RNF150: variants seen among roughly 807,000 people sequenced by gnomAD.
The protein encoded by RNF150 is ring finger protein 150.
A neutral mutation model predicts 39.3 loss-of-function variants in RNF150; 24 were observed. The ratio of observed to expected loss-of-function variants is 0.61; its 90% CI spans 0.44 to 0.86. The LOEUF (loss-of-function observed/expected upper bound fraction) is 0.86. Ranked by LOEUF, RNF150 falls within the 40% of genes least tolerant of loss-of-function variation. RNF150 has a pLI of 0.00. For missense variants in RNF150, 502 were observed against 587.8 expected, an observed-to-expected ratio of 0.85 and a Z score of 1.51; for synonymous variants, 255 against 227.3, an observed-to-expected ratio of 1.12 and a Z score of -1.10.
chr4:141,172,154 A>G (rs1160029649), intron 1 of RNF150, among the ~76,000 whole-genome samples: 1 of 152,110 alleles, frequency 6.6e-6, no homozygotes, highest in Non-Finnish European at 1.5e-5. Context: ...TCTCTGCTTT[A>G]GACTGTGGGG....
At chr4:141,000,087 G>A (rs33915904) in intron 1 of RNF150, among the ~76,000 whole-genome samples, 4,055 of 35,544 alleles carry the variant, frequency 0.11, 1,036 homozygotes, top group Non-Finnish European at 0.13. Flanking sequence ...GAAGAAGAAG[G>A]AGAAGAAGAA....
chr4:140,979,706 T>C (rs1733790352), intron 1 of RNF150, among the ~76,000 whole-genome samples: 3 of 151,928 alleles, frequency 2.0e-5, no homozygotes, highest in African/African-American at 7.3e-5. Flanking sequence ...TGAGAGCACC[T>C]GGATATTGTA....
At chr4:140,911,481 T>C in intron 5 of RNF150, 127 bp from the exon 6 acceptor site, 1 of 718,584 alleles carries the variant, frequency 1.4e-6, no homozygotes, top group Non-Finnish European at 2.2e-6. Flanking sequence ...TGAGCCACTT[T>C]ATTTAAAAAC....
At chr4:140,905,683 G>A (rs1368138072) in intron 6 of RNF150, among the ~76,000 whole-genome samples, 1 of 142,754 alleles carries the variant, frequency 7.0e-6, no homozygotes, top group African/African-American at 2.5e-5. Context: ...TTGCTGCAGG[G>A]GAATCCCCAA....
intron 1 of RNF150, among the ~76,000 whole-genome samples, chr4:141,185,990 TC>T (rs1728001032): frequency 6.6e-6 from 1 of 152,218 alleles, no homozygotes; most frequent in Non-Finnish European, 1.5e-5. Context: ...GACTGAAATT[TC>T]CTTTTTCTGT....
intron 1 of RNF150, among the ~76,000 whole-genome samples, chr4:141,153,158 A>C (rs1344397996): frequency 6.6e-6 from 1 of 152,104 alleles, no homozygotes; most frequent in Non-Finnish European, 1.5e-5. Flanking sequence ...ATGTCAGAGC[A>C]CTTTCTAGAG....
intron 1 of RNF150, among the ~76,000 whole-genome samples, chr4:141,194,190 T>C (rs557907143): frequency 9.2e-5 from 14 of 152,330 alleles, no homozygotes; most frequent in Middle Eastern, 3.4e-3. Flanking sequence ...TGTCTTTCTG[T>C]AGGGATTTCT....
chr4:140,970,264 T>C (rs182351691), intron 1 of RNF150, among the ~76,000 whole-genome samples: 1 of 152,314 alleles, frequency 6.6e-6, no homozygotes, highest in East Asian at 1.9e-4. Context: ...ATTTATTGAA[T>C]TCTTACAATG....
rs975027239 is a variant in RNF150 at position 140,864,688 on chromosome 4, A to G, written c.*3573T>C. On this transcript the variant is annotated 3_prime_UTR_variant, in exon 7 of 7. Coordinates refer to ENST00000515673, the MANE Select transcript of RNF150 (RefSeq NM_020724.2). ...ATGAACAAGAAGAAGGGGTTGAGGT[A>G]AAGTTGGGTGATTTCAGTCTGGAGT... 9.2e-5 allele frequency: 14 copies of G among 152,330 alleles called. No individual in the cohort carries two copies. Among genetic ancestry groups the G allele is most frequent in the South Asian group, 4.1e-4 (2 of 4,826 alleles). The allele number at this position is 152,330 out of a possible 1,614,324, so 9.4% of individuals were successfully genotyped here.
In RNF150 at chr4:140,965,967, T is replaced by A. The variant is rs537368897; in HGVS notation, c.735+1656A>T. Among the ~76,000 whole-genome samples, 3 of 152,122 alleles carry A rather than the reference T, an allele frequency of 2.0e-5. No individual in the cohort carries two copies. In the East Asian group the frequency reaches 5.8e-4, roughly 29 times the overall value. On this transcript the variant is annotated intron_variant, in intron 2 of 6. Transcript: ENST00000515673. ...TCAATTTGCTTTACTATATTAACCATTTTACTGTCTGTATGACTCCCCAAA... is the reference window on the plus strand; with the variant it reads ...TCAATTTGCTTTACTATATTAACCAATTTACTGTCTGTATGACTCCCCAAA...
intron 1 of RNF150, among the ~76,000 whole-genome samples, chr4:141,158,534 T>C (rs1030924342): frequency 1.8e-4 from 28 of 152,118 alleles, no homozygotes; most frequent in Non-Finnish European, 3.8e-4. Context: ...ATATAACATT[T>C]ACTGATTTCC....
intron 1 of RNF150, among the ~76,000 whole-genome samples, chr4:141,147,291 G>T (rs1180599465): frequency 6.6e-6 from 1 of 152,178 alleles, no homozygotes; most frequent in Non-Finnish European, 1.5e-5. Flanking sequence ...TTCCTGCTTG[G>T]CAGGTGGCCT....
At chr4:140,879,447 T>TA (rs565485946) in intron 6 of RNF150, among the ~76,000 whole-genome samples, 84 of 152,372 alleles carry the variant, frequency 5.5e-4, no homozygotes, top group African/African-American at 1.9e-3. Flanking sequence ...TTCACCTTGT[T>TA]CATTAAGTTT....
intron 1 of RNF150, among the ~76,000 whole-genome samples, chr4:141,096,148 C>T (rs1210323228): frequency 6.9e-6 from 1 of 143,950 alleles, no homozygotes; most frequent in African/African-American, 2.6e-5. Context: ...GAGTGGTGTG[C>T]ATTCATATTC....
At chr4:141,095,144 C>T (rs1738723432) in intron 1 of RNF150, among the ~76,000 whole-genome samples, 1 of 152,192 alleles carries the variant, frequency 6.6e-6, no homozygotes, top group South Asian at 2.1e-4. Flanking sequence ...AGGTGGGCCA[C>T]CCACCCCAAG....
chr4:141,120,427 T>C (rs1057152737), intron 1 of RNF150, among the ~76,000 whole-genome samples: 1 of 152,106 alleles, frequency 6.6e-6, no homozygotes, highest in African/African-American at 2.4e-5. Context: ...ACTTGAGCAA[T>C]AAAACCCCAT....
At chr4:140,872,837 A>T (rs1274988733) in intron 6 of RNF150, among the ~76,000 whole-genome samples, 1 of 152,206 alleles carries the variant, frequency 6.6e-6, no homozygotes, top group East Asian at 1.9e-4. Context: ...TCCAAGGTTG[A>T]TGTGGAGTTG....
intron 1 of RNF150, among the ~76,000 whole-genome samples, chr4:141,019,941 A>G (rs913143494): frequency 2.0e-5 from 3 of 152,102 alleles, no homozygotes; most frequent in Admixed American, 1.3e-4. Context: ...GTACAATACA[A>G]ACGTCTGGTT....
intron 1 of RNF150, among the ~76,000 whole-genome samples, chr4:140,970,985 A>G (rs1733442317): frequency 1.3e-5 from 2 of 152,144 alleles, no homozygotes. Context: ...CCTAATAGAA[A>G]CAGTCACTAA....
Sources: gnomAD v4.1 joint callset for allele counts (sites outside exome capture counted in the v4.1 genomes callset) on GRCh38, gnomAD v4.1.1 for gene constraint, MANE v1.5 for transcripts, NCBI Gene and HGNC (gene_info 2026-07-23, HGNC 2026-07-21) for gene names.